FER: variants seen among roughly 807,000 people sequenced by gnomAD.
FER encodes FER tyrosine kinase, also known as tyrosine-protein kinase Fer.
FER carries 63 observed loss-of-function variants against 111.0 expected under a neutral mutation model. The observed-to-expected ratio is 0.57, with a 90% CI of 0.46 to 0.70. The LOEUF is 0.70. Ranked by LOEUF, FER falls within the 30% of genes least tolerant of loss-of-function variation. The pLI is 0.00. For missense variants in FER, 914 were observed against 954.0 expected, an observed-to-expected ratio of 0.96 and a Z score of 0.55; for synonymous variants, 327 against 313.9, an observed-to-expected ratio of 1.04 and a Z score of -0.44.
intron 5 of FER, among the ~76,000 whole-genome samples, chr5:108,849,759 C>T (rs1325219535): frequency 6.6e-6 from 1 of 152,152 alleles, no homozygotes; most frequent in African/African-American, 2.4e-5. Context: ...ATTTTAAACT[C>T]ATTAGACTGG....
At chr5:108,813,757 T>C (rs1297323555) in intron 3 of FER, among the ~76,000 whole-genome samples, 1 of 152,176 alleles carries the variant, frequency 6.6e-6, no homozygotes, top group Admixed American at 6.5e-5. Flanking sequence ...CCTGATCACT[T>C]ATTTCCAGCA....
chr5:108,802,775 C>T (rs77512749), intron 3 of FER, among the ~76,000 whole-genome samples: 264 of 152,058 alleles, frequency 1.7e-3, no homozygotes, highest in African/African-American at 6.0e-3. Flanking sequence ...TTAAAACTTA[C>T]GAATTTTCTG....
chr5:108,908,384 G>T (rs1296321011), intron 10 of FER, among the ~76,000 whole-genome samples: 1 of 152,026 alleles, frequency 6.6e-6, no homozygotes, highest in African/African-American at 2.4e-5. Flanking sequence ...TAGATTAATA[G>T]TTCTTTTTTC....
At chr5:108,865,844 A>G (rs1211297898) in intron 5 of FER, among the ~76,000 whole-genome samples, 2 of 152,230 alleles carry the variant, frequency 1.3e-5, no homozygotes, top group Non-Finnish European at 1.5e-5. Context: ...AATGCTCACC[A>G]TCACTGGCCA....
chr5:108,946,552 A>T (rs886559213), intron 11 of FER, among the ~76,000 whole-genome samples: 1 of 151,986 alleles, frequency 6.6e-6, no homozygotes, highest in African/African-American at 2.4e-5. Flanking sequence ...AGTGTAAACA[A>T]TTCTTTTCTA....
intron 17 of FER, among the ~76,000 whole-genome samples, chr5:109,137,824 C>T (rs1227155358): frequency 6.6e-6 from 1 of 152,192 alleles, no homozygotes; most frequent in Non-Finnish European, 1.5e-5. Context: ...AGTCCCACTC[C>T]AATCTTCAGA....
At chr5:109,182,882 C>T (rs1582430074) in intron 18 of FER, among the ~76,000 whole-genome samples, 1 of 152,080 alleles carries the variant, frequency 6.6e-6, no homozygotes, top group East Asian at 1.9e-4. Context: ...TACTTTGTCA[C>T]CCGGGCTGGA....
At chr5:109,029,798 G>T (rs1029749307) in intron 13 of FER, among the ~76,000 whole-genome samples, 1 of 152,032 alleles carries the variant, frequency 6.6e-6, no homozygotes, top group Admixed American at 6.6e-5. Context: ...ATGAATCTTG[G>T]CTTGAATTTA....
intron 13 of FER, among the ~76,000 whole-genome samples, chr5:109,001,956 C>T (rs1193633151): frequency 6.6e-6 from 1 of 152,054 alleles, no homozygotes; most frequent in Non-Finnish European, 1.5e-5. Flanking sequence ...CAAACCACTG[C>T]TCAATGAAAT....
At chr5:109,087,901 G>A (rs7730155) in intron 16 of FER, among the ~76,000 whole-genome samples, 1 of 151,830 alleles carries the variant, frequency 6.6e-6, no homozygotes. Context: ...CCCAGGGACA[G>A]TCCCTGAATG....
At chr5:109,119,690 C>T (rs540157115) in intron 17 of FER, among the ~76,000 whole-genome samples, 88 of 152,088 alleles carry the variant, frequency 5.8e-4, no homozygotes, top group African/African-American at 1.9e-3. Flanking sequence ...AATCTGGGTG[C>T]TCCTGTATTG....
At chr5:109,021,158 C>T (rs1767873091) in intron 13 of FER, among the ~76,000 whole-genome samples, 3 of 151,904 alleles carry the variant, frequency 2.0e-5, no homozygotes, top group South Asian at 2.1e-4. Flanking sequence ...ATATATAATA[C>T]GTATATTTGC....
At chr5:108,812,439 C>T (rs1039178118) in intron 3 of FER, among the ~76,000 whole-genome samples, 2 of 152,096 alleles carry the variant, frequency 1.3e-5, no homozygotes, top group African/African-American at 4.8e-5. Flanking sequence ...CGTTTTTCAT[C>T]ATATATTTGG....
chr5:108,866,467 G>A (rs1324274629), intron 5 of FER, among the ~76,000 whole-genome samples: 1 of 152,014 alleles, frequency 6.6e-6, no homozygotes, highest in African/African-American at 2.4e-5. Context: ...GATAGCCTTA[G>A]GAGATATACC....
chr5:108,916,931 T>C (rs1752346562), intron 10 of FER, among the ~76,000 whole-genome samples: 1 of 152,182 alleles, frequency 6.6e-6, no homozygotes. Context: ...GTATTAAATC[T>C]AATACAAATT....
At chr5:108,827,634 C>G (rs1266132245) in intron 3 of FER, among the ~76,000 whole-genome samples, 2 of 151,860 alleles carry the variant, frequency 1.3e-5, no homozygotes, top group African/African-American at 4.8e-5. Flanking sequence ...ATAGTGACTA[C>G]AGGGTCTTGT....
At chr5:108,975,296 T>C (rs972192713) in intron 13 of FER, among the ~76,000 whole-genome samples, 1 of 152,036 alleles carries the variant, frequency 6.6e-6, no homozygotes, top group African/African-American at 2.4e-5. Flanking sequence ...AAATAGCTAA[T>C]GCACGCGGGG....
At chr5:108,962,449 T>A (rs1243139136) in intron 13 of FER, among the ~76,000 whole-genome samples, 2 of 152,246 alleles carry the variant, frequency 1.3e-5, no homozygotes, top group African/African-American at 2.4e-5. Flanking sequence ...CTTCTGCCTT[T>A]ATTTCTCTTT....
At chr5:108,933,691 G>A (rs1755030558) in intron 10 of FER, among the ~76,000 whole-genome samples, 1 of 152,024 alleles carries the variant, frequency 6.6e-6, no homozygotes. Context: ...AAACTACTTT[G>A]GGCAGTATGA....
Sources: allele counts gnomAD v4.1 joint callset (sites outside exome capture counted in the v4.1 genomes callset), GRCh38; gene constraint gnomAD v4.1.1; transcripts MANE v1.5; gene names NCBI Gene and HGNC (gene_info 2026-07-23, HGNC 2026-07-21).